The following TRIM22 variants were observed in gnomAD, a reference collection of about 807,000 sequenced individuals.
The protein encoded by TRIM22 is E3 ubiquitin-protein ligase TRIM22.
In TRIM22, 45 loss-of-function variants were observed where a neutral mutation model predicts 53.6. That is an observed-to-expected ratio of 0.84 (90% CI 0.66 to 1.08). The LOEUF (loss-of-function observed/expected upper bound fraction) is 1.08. Ranked by LOEUF, TRIM22 falls within the 50% of genes least tolerant of loss-of-function variation. TRIM22 has a pLI of 0.00. For missense variants in TRIM22, 616 were observed against 590.9 expected, an observed-to-expected ratio of 1.04 and a Z score of -0.44; for synonymous variants, 225 against 216.6, an observed-to-expected ratio of 1.04 and a Z score of -0.34.
Position 5,692,709 on chromosome 11 carries a change from C to T in TRIM22, c.-67+2810C>T, listed in dbSNP as rs373412215. Reference sequence around the variant, plus strand: ...TGTGCCAAAGCCTAGCCAAAAATCCCAGCACTTTGGGAAGCCAAGACTGGA... The same window carrying T: ...TGTGCCAAAGCCTAGCCAAAAATCCTAGCACTTTGGGAAGCCAAGACTGGA... On this transcript the variant is annotated intron_variant, in intron 1 of 7. Coordinates refer to ENST00000379965, the MANE Select transcript of TRIM22 (RefSeq NM_006074.5). 3.3e-5 allele frequency among the ~76,000 whole-genome samples: 5 copies of T among 151,170 alleles called. No homozygotes were observed. The East Asian group carries it at 9.7e-4, about 29-fold the overall frequency.
chr11:5,697,693 G>T, intron 3 of TRIM22: 1 of 192,078 alleles, frequency 5.2e-6, no homozygotes, highest in Non-Finnish European at 1.0e-5. Flanking sequence ...TTCAGTAGGG[G>T]GATTTTTTTG....
chr11:5,694,451 C>T (rs1300569599), intron 1 of TRIM22, among the ~76,000 whole-genome samples: 8 of 152,206 alleles, frequency 5.3e-5, no homozygotes, highest in Admixed American at 5.2e-4. Flanking sequence ...CCCAGAACTA[C>T]ATAGCTGGTC....
intron 2 of TRIM22, 116 bp downstream of exon 2, chr11:5,696,771 G>A (rs1213897626): frequency 9.0e-7 from 1 of 1,111,754 alleles, no homozygotes. Context: ...GGAGAGCCCT[G>A]TGATCTCTTT....
Position 5,709,859 on chromosome 11 carries a change from G to A in TRIM22, c.*211G>A. 1 of 545,804 alleles carries A rather than the reference G, an allele frequency of 1.8e-6. No homozygotes were observed. The highest frequency in any genetic ancestry group is 2.7e-5 in the South Asian group (1 of 36,606). The allele number at this position is 545,804 out of a possible 1,614,324, so 33.8% of individuals were successfully genotyped here. A position where few individuals can be genotyped will look rare whatever the true frequency, so the allele number is the denominator to read the frequency against. On this transcript the variant is annotated 3_prime_UTR_variant, in exon 8 of 8. Transcript: ENST00000379965. ...AATTGTATTGCCGTACTGTGGGCTG[G>A]AAATCCCAAATCTAGATTCCAGCAG... is the stretch of plus-strand genomic sequence containing the variant.
intron 5 of TRIM22, 124 bp downstream of exon 5, chr11:5,706,740 G>A: frequency 1.0e-6 from 1 of 985,526 alleles, no homozygotes; most frequent in Non-Finnish European, 1.5e-6. Flanking sequence ...GTATTAAATT[G>A]TCCCAAATTG....
intron 4 of TRIM22, among the ~76,000 whole-genome samples, chr11:5,705,423 G>A (rs140845111): frequency 1.7e-4 from 26 of 152,272 alleles, no homozygotes; most frequent in African/African-American, 6.3e-4. Flanking sequence ...GTTTAAAGAT[G>A]TAGCTATGAG....
intron 1 of TRIM22, among the ~76,000 whole-genome samples, chr11:5,692,876 C>CTTTT (rs376485434): frequency 2.0e-4 from 26 of 132,914 alleles, no homozygotes; most frequent in South Asian, 4.6e-4. Context: ...TTAATTTAAT[C>CTTTT]TTTTTTTTTT....
At chr11:5,694,107 T>C (rs780579620) in intron 1 of TRIM22, among the ~76,000 whole-genome samples, 11 of 152,226 alleles carry the variant, frequency 7.2e-5, no homozygotes, top group Non-Finnish European at 1.2e-4. Context: ...AATGAGCACA[T>C]GGTAACTAAA....
At chr11:5,708,321 G>A (rs746933472) in intron 6 of TRIM22, 48 bp downstream of exon 6, 1 of 1,534,030 alleles carries the variant, frequency 6.5e-7, no homozygotes, top group Non-Finnish European at 9.0e-7. Context: ...CTTAGTATCA[G>A]GGCTCAATAG....
At chr11:5,693,327 A>G (rs1466946544) in intron 1 of TRIM22, among the ~76,000 whole-genome samples, 1 of 151,396 alleles carries the variant, frequency 6.6e-6, no homozygotes, top group African/African-American at 2.4e-5. Context: ...CATTCGCACC[A>G]CCTTCAAAGG....
chr11:5,707,362 A>C lies in TRIM22; in HGVS notation c.773+746A>C, dbSNP rs1853476707. ...CTTCAATATAGGATCCTACTTTGATATCTCTCAACAACTCAGGAGACAGAT... is the reference window on the plus strand; with the variant it reads ...CTTCAATATAGGATCCTACTTTGATCTCTCTCAACAACTCAGGAGACAGAT... On this transcript the variant is annotated intron_variant, in intron 5 of 7. Coordinates refer to ENST00000379965, the MANE Select transcript of TRIM22 (RefSeq NM_006074.5). 2.0e-5 allele frequency among the ~76,000 whole-genome samples: 3 copies of C among 152,166 alleles called. No homozygotes were observed. The South Asian group carries it at 6.2e-4, about 32-fold the overall frequency.
At chr11:5,706,734 T>C (rs1853462249) in intron 5 of TRIM22, 118 bp downstream of exon 5, 1 of 1,073,788 alleles carries the variant, frequency 9.3e-7, no homozygotes, top group Admixed American at 2.5e-5. Context: ...ATTTGTGTAT[T>C]AAATTGTCCC....
chr11:5,698,356 C>T lies in TRIM22; in HGVS notation c.561C>T (p.Phe187=), dbSNP rs772224709. 2.5e-6 allele frequency: 4 copies of T among 1,614,108 alleles called. No homozygotes were observed. In the South Asian group the frequency reaches 3.3e-5, roughly 13 times the overall value. Residue 187 remains phenylalanine, a synonymous_variant, in exon 4 of 8, where the codon TTC becomes TTT. Coordinates refer to ENST00000379965, the MANE Select transcript of TRIM22 (RefSeq NM_006074.5). ...AGAGACAGAAGATTCTGAAAGGGTT[C>T]AATGAAATGAGAGTCATCTTGGACA... ...QIERQKILKG[F]NEMRVILDNE...
In TRIM22 at chr11:5,709,798, CA is replaced by C; in HGVS notation, c.*151del. ...CTTTGTATTCATTTGCTAGGGCTTC[CA>C]TAGCAAAGCATCATAGATTGCTGAT... On this transcript the variant is annotated 3_prime_UTR_variant, in exon 8 of 8. Coordinates refer to ENST00000379965, the MANE Select transcript of TRIM22 (RefSeq NM_006074.5). 8.7e-6 allele frequency: 6 copies of C among 690,490 alleles called. No homozygotes were observed. The highest frequency in any genetic ancestry group is 1.4e-5 in the Non-Finnish European group (6 of 414,590). 42.8% of individuals were successfully genotyped at this position (690,490 alleles called of 1,614,324 possible).
intron 3 of TRIM22, 68 bp from the exon 4 acceptor site, chr11:5,698,247 C>G: frequency 7.7e-7 from 1 of 1,305,138 alleles, no homozygotes. Flanking sequence ...TATCCTGTCT[C>G]CCAGGCTCAT....
At position 5,709,707 on chromosome 11, in the gene TRIM22, T is replaced by G. The variant is rs1017377966; in HGVS notation, c.*59T>G. ...AGCCCTTGTGCTGAGACTCAGATTC[T>G]GCACCTGAGTTCATCTCTACTGAGA... On this transcript the variant is annotated 3_prime_UTR_variant, in exon 8 of 8. Transcript: ENST00000379965. 3 of 1,390,870 alleles carry G rather than the reference T, an allele frequency of 2.2e-6. No homozygotes were observed. The highest frequency in any genetic ancestry group is 3.0e-6 in the Non-Finnish European group (3 of 1,009,648). The allele number at this position is 1,390,870 out of a possible 1,614,324, so 86.2% of individuals were successfully genotyped here.
At position 5,698,663 on chromosome 11, in the gene TRIM22, TGGCCCGGCA is replaced by T. The variant is rs975159706; in HGVS notation, c.750+119_750+127del. The T allele has an allele frequency of 3.7e-6, 3 of 800,896 alleles. No individual in the cohort carries two copies. In the African/African-American group the frequency reaches 5.2e-5, roughly 14 times the overall value. 49.6% of individuals were successfully genotyped at this position (800,896 alleles called of 1,614,324 possible). A position where few individuals can be genotyped will look rare whatever the true frequency, so the allele number is the denominator to read the frequency against. On this transcript the variant is annotated intron_variant, in intron 4 of 7. Transcript: ENST00000379965. ...GTGTGGTGACATGAAATGGTTCCTT[TGGCCCGGCA>T]TGCCCCTTTTATGCCCATCATTTCA...
At position 5,696,218 on chromosome 11, in the gene TRIM22, C is replaced by T. The variant is rs771142978; in HGVS notation, c.-15C>T. 5.7e-6 allele frequency: 9 copies of T among 1,585,942 alleles called. No homozygotes were observed. In the African/African-American group the frequency reaches 1.1e-4, roughly 19 times the overall value. On this transcript the variant is annotated 5_prime_UTR_variant, in exon 2 of 8. Transcript: ENST00000379965. ...TTCAAGAGTCAAGACAGAAGGAAGC[C>T]AAGGGAGCAGTGCAATGGATTTCTC...
chr11:5,704,802 T>C (rs763233717), intron 4 of TRIM22, among the ~76,000 whole-genome samples: 16 of 152,210 alleles, frequency 1.1e-4, no homozygotes, highest in Non-Finnish European at 2.1e-4. Flanking sequence ...GGTTATATGG[T>C]ATAAGTTATC....
Sources: gnomAD v4.1 joint callset for allele counts (sites outside exome capture counted in the v4.1 genomes callset) on GRCh38, gnomAD v4.1.1 for gene constraint, MANE v1.5 for transcripts, NCBI Gene and HGNC (gene_info 2026-07-23, HGNC 2026-07-21) for gene names.